The following SRCAP variants were observed in gnomAD, a reference collection of about 807,000 sequenced individuals.
The protein encoded by SRCAP is chromatin remodeling protein SRCAP.
Under a neutral mutation model 263.1 loss-of-function variants are expected in SRCAP, and 46 were observed. The observed-to-expected ratio is 0.17, with a 90% CI of 0.14 to 0.22. The LOEUF is 0.22. Ranked by LOEUF, SRCAP falls within the 10% of genes least tolerant of loss-of-function variation. The pLI, the probability that SRCAP is intolerant of heterozygous loss-of-function variation, is 1.00. For missense variants in SRCAP, 3,695 were observed against 4,181.9 expected (o/e 0.88, Z 3.21); for synonymous variants, 1,813 against 1,662.1 (o/e 1.09, Z -2.21).
Position 30,716,084 on chromosome 16 carries a change from C to T in SRCAP, c.2512C>T (p.Leu838=), listed in dbSNP as rs1567244429. 3 of 1,614,148 alleles carry T rather than the reference C, an allele frequency of 1.9e-6. No homozygotes were observed. The highest frequency in any genetic ancestry group is 2.5e-6 in the Non-Finnish European group (3 of 1,180,034). Residue 838 remains leucine, a synonymous_variant, in exon 17 of 34, where the codon CTG becomes TTG. Coordinates refer to ENST00000262518, the MANE Select transcript of SRCAP (RefSeq NM_006662.3). ...CTTTTAGGTTTTGAGGCCTTTTTTA[C>T]TGCGCCGAGTTAAGGTGGATGTTGA... ...RLHKVLRPFL[L]RRVKVDVEKQ...
intron 16 of SRCAP, among the ~76,000 whole-genome samples, chr16:30,715,558 T>A (rs1483686508): frequency 6.6e-6 from 1 of 150,766 alleles, no homozygotes; most frequent in Non-Finnish European, 1.5e-5. Context: ...GAGCGCAACT[T>A]TGTATCAAAA....
intron 25 of SRCAP, among the ~76,000 whole-genome samples, chr16:30,727,004 A>AT (rs1003985326): frequency 4.6e-5 from 7 of 151,858 alleles, no homozygotes; most frequent in Non-Finnish European, 8.8e-5. Flanking sequence ...ACCTGGCCAG[A>AT]TTTTTTTGTA....
intron 18 of SRCAP, among the ~76,000 whole-genome samples, chr16:30,718,333 C>T (rs761739834): frequency 1.6e-4 from 24 of 152,184 alleles, no homozygotes; most frequent in South Asian, 2.1e-4. Flanking sequence ...TGCGCCACCA[C>T]GCCCAGCTAA....
intron 8 of SRCAP, chr16:30,710,447 G>A: frequency 1.4e-6 from 1 of 697,586 alleles, no homozygotes; most frequent in Non-Finnish European, 2.6e-6. Flanking sequence ...TGGCTTACAG[G>A]TTGGAAGCTG....
intron 3 of SRCAP, among the ~76,000 whole-genome samples, chr16:30,701,640 T>C (rs558423402): frequency 8.7e-4 from 119 of 136,808 alleles, no homozygotes; most frequent in African/African-American, 3.8e-3. Context: ...TCTTTTCTTT[T>C]TTTTTTTTTT....
intron 27 of SRCAP, among the ~76,000 whole-genome samples, chr16:30,730,350 A>G (rs1370792622): frequency 6.6e-6 from 1 of 152,276 alleles, no homozygotes; most frequent in Non-Finnish European, 1.5e-5. Flanking sequence ...TTGTTTTCTT[A>G]ATGAGCCAAT....
chr16:30,713,722 C>T lies in SRCAP; in HGVS notation c.2493+11C>T, dbSNP rs771442738. 1.9e-6 allele frequency: 3 copies of T among 1,612,370 alleles called. No individual in the cohort carries two copies. The highest frequency in any genetic ancestry group is 2.7e-5 in the African/African-American group (2 of 74,854). On this transcript the variant is annotated intron_variant, in intron 16 of 33. Transcript: ENST00000262518. ...AAACGCCTCCACAAGGTAGGGCCTG[C>T]AACAGTTTGTCAGGGTATTGGGAAT...
Position 30,729,037 on chromosome 16 carries a change from T to C in SRCAP, c.5730T>C (p.Ala1910=). The change falls in exon 26 of 34, where the codon GCT becomes GCC. Residue 1910 remains alanine, a synonymous_variant. Transcript: ENST00000262518. The stretch of plus-strand genomic sequence containing the variant: ...AACGGATTTTCCAACTTAGTGAGGC[T>C]CATGGGGCCCTGGCACCTGTGTATG... The part of the protein sequence containing the change: ...RLERIFQLSE[A]HGALAPVYGT... 6.2e-7 allele frequency: 1 copy of C among 1,614,186 alleles called. No individual in the cohort carries two copies. Among genetic ancestry groups the C allele is most frequent in the Non-Finnish European group, 8.5e-7 (1 of 1,180,032 alleles).
intron 4 of SRCAP, among the ~76,000 whole-genome samples, chr16:30,704,873 C>T (rs2052809382): frequency 6.6e-6 from 1 of 152,088 alleles, no homozygotes; most frequent in Admixed American, 6.6e-5. Context: ...CACAAAAGCA[C>T]TTTGTAAACT....
chr16:30,713,764 T>C, intron 16 of SRCAP, 53 bp downstream of exon 16: 1 of 1,549,650 alleles, frequency 6.5e-7, no homozygotes, highest in Non-Finnish European at 8.8e-7. Context: ...GAACCATTCC[T>C]GAGCACCTGG....
At chr16:30,735,385 A>T (rs2053150888) in intron 31 of SRCAP, among the ~76,000 whole-genome samples, 1 of 151,364 alleles carries the variant, frequency 6.6e-6, no homozygotes, top group South Asian at 2.1e-4. Context: ...TGACCTCGTG[A>T]TCCGCCCGCC....
At chr16:30,702,931 T>A (rs1295117267) in intron 3 of SRCAP, among the ~76,000 whole-genome samples, 5 of 151,800 alleles carry the variant, frequency 3.3e-5, no homozygotes, top group Admixed American at 3.3e-4. Context: ...ACGTGTTGGG[T>A]GTTTGAGAAC....
At chr16:30,715,941 C>T (rs2052944660) in intron 16 of SRCAP, 125 bp from the exon 17 acceptor site, 3 of 1,256,338 alleles carry the variant, frequency 2.4e-6, no homozygotes, top group African/African-American at 1.5e-5. Context: ...GCAGTTGACT[C>T]ATCTTTGTGT....
At chr16:30,736,122 G>A in intron 31 of SRCAP, 78 bp from the exon 32 acceptor site, 1 of 1,574,652 alleles carries the variant, frequency 6.4e-7, no homozygotes, top group East Asian at 2.2e-5. Context: ...TTGGTCTCAA[G>A]TTCTTGCCTG....
Position 30,738,297 on chromosome 16 carries a change from C to T in SRCAP, c.8257C>T (p.Arg2753Trp), listed in dbSNP as rs1131691316. The change falls in exon 34 of 34, where the codon CGG becomes TGG. Residue 2753 changes from arginine to tryptophan, a missense_variant. Physicochemically the swap from Arg to Trp is moderately radical, Grantham distance 101. This residue lies in a region of SRCAP where 1,207 missense variants were observed against 1,142.9 expected (regional missense o/e 1.06). Transcript: ENST00000262518. ...CAAAGTGCTTCGAAAGCTGCCAGGA[C>T]GGCTGGTAACTGTGGTAGAGGAAAA... is the stretch of plus-strand genomic sequence containing the variant. ...GPKVLRKLPG[R>W]LVTVVEEKEL... The T allele has an allele frequency of 2.5e-6, 4 of 1,598,304 alleles. No individual in the cohort carries two copies. The highest frequency in any genetic ancestry group is 2.6e-6 in the Non-Finnish European group (3 of 1,171,432).
At position 30,707,202 on chromosome 16, in the gene SRCAP, G is replaced by A. The variant is rs1031953486; in HGVS notation, c.326G>A (p.Arg109Gln). 1 of 1,614,118 alleles carries A rather than the reference G, an allele frequency of 6.2e-7. No homozygotes were observed. Among genetic ancestry groups the A allele is most frequent in the Non-Finnish European group, 8.5e-7 (1 of 1,180,018 alleles). ...QAKHEAEIET[R>Q]IAELRKEGFW... is the part of the protein sequence containing the mutation. The stretch of plus-strand genomic sequence containing the variant: ...GATTAGGAGGCCGAGATCGAGACTC[G>A]GATTGCTGAGCTGCGGAAGGAGGGT... Residue 109 changes from arginine to glutamine, a missense_variant, in exon 5 of 34, where the codon CGG becomes CAG. Coordinates refer to ENST00000262518, the MANE Select transcript of SRCAP (RefSeq NM_006662.3).
At chr16:30,712,468 C>G (rs760582277) in intron 13 of SRCAP, 29 bp downstream of exon 13, 2 of 1,546,366 alleles carry the variant, frequency 1.3e-6, no homozygotes, top group African/African-American at 1.4e-5. Context: ...TTCTTTTGTT[C>G]CCCCTAGTCT....
In SRCAP at chr16:30,707,443, G is replaced by C. The variant is rs1014029647; in HGVS notation, c.492+75G>C. 5 of 1,603,506 alleles carry C rather than the reference G, an allele frequency of 3.1e-6. No homozygotes were observed. In the African/African-American group the frequency reaches 6.7e-5, roughly 21 times the overall value. On this transcript the variant is annotated intron_variant, in intron 5 of 33. Coordinates refer to ENST00000262518, the MANE Select transcript of SRCAP (RefSeq NM_006662.3). Reference sequence around the variant, plus strand: ...TTCCCGGTTTGTTGGAAGGGGACCAGACAGAATGGTGTAGGCATTAAGAGC... The same window carrying C: ...TTCCCGGTTTGTTGGAAGGGGACCACACAGAATGGTGTAGGCATTAAGAGC...
In SRCAP at chr16:30,721,421, G is replaced by A. The variant is rs995353529; in HGVS notation, c.3486G>A (p.Pro1162=). 9.9e-6 allele frequency: 16 copies of A among 1,613,152 alleles called. No homozygotes were observed. Among genetic ancestry groups the A allele is most frequent in the African/African-American group, 1.3e-5 (1 of 74,934 alleles). The change falls in exon 21 of 34, where the codon CCG becomes CCA. Residue 1162 remains proline, a synonymous_variant. Coordinates refer to ENST00000262518, the MANE Select transcript of SRCAP (RefSeq NM_006662.3). Reference sequence around the variant, plus strand: ...CTACCACCACAGCAGTGCCAGCTCCGACTCCTGCACCACAGCGCCTCATTC... The same window carrying A: ...CTACCACCACAGCAGTGCCAGCTCCAACTCCTGCACCACAGCGCCTCATTC... The part of the protein sequence containing the change: ...ATATTTAVPA[P]TPAPQRLILS...
Sources: allele counts gnomAD v4.1 joint callset (sites outside exome capture counted in the v4.1 genomes callset), GRCh38; gene constraint gnomAD v4.1.1; regional missense constraint gnomAD v4.1.1; transcripts MANE v1.5; gene names NCBI Gene and HGNC (gene_info 2026-07-23, HGNC 2026-07-21).